The following CLCN3 variants were observed in gnomAD, a reference collection of about 807,000 sequenced individuals.
The protein encoded by CLCN3 is H(+)/Cl(-) exchange transporter 3.
A neutral mutation model predicts 83.4 loss-of-function variants in CLCN3; 16 were observed. The observed-to-expected ratio is 0.19, with a 90% CI of 0.13 to 0.29. CLCN3 has a LOEUF of 0.29. Among genes scored for constraint, CLCN3 ranks in the 10% least tolerant of loss-of-function variants. The pLI is 1.00. For missense variants in CLCN3, 544 were observed against 1,006.0 expected, an observed-to-expected ratio of 0.54 and a Z score of 6.21; for synonymous variants, 322 against 346.2, an observed-to-expected ratio of 0.93 and a Z score of 0.78.
intron 9 of CLCN3, among the ~76,000 whole-genome samples, chr4:169,699,741 G>T (rs965649153): frequency 6.6e-6 from 1 of 152,034 alleles, no homozygotes; most frequent in African/African-American, 2.4e-5. Flanking sequence ...AATTAGCCAG[G>T]CGTGGTGGCA....
intron 11 of CLCN3, among the ~76,000 whole-genome samples, chr4:169,710,887 G>T (rs1733187084): frequency 6.6e-6 from 1 of 151,864 alleles, no homozygotes; most frequent in African/African-American, 2.4e-5. Context: ...TAGAGATGAG[G>T]TCTTCTATGT....
chr4:169,711,262 C>G (rs1733203095), intron 11 of CLCN3, among the ~76,000 whole-genome samples: 1 of 152,186 alleles, frequency 6.6e-6, no homozygotes, highest in African/African-American at 2.4e-5. Context: ...TGTCAGACAC[C>G]ATTCAGTTGT....
chr4:169,636,099 C>T lies in CLCN3; in HGVS notation c.160+11C>T. 1 of 1,605,834 alleles carries T rather than the reference C, an allele frequency of 6.2e-7. No homozygotes were observed. Among genetic ancestry groups the T allele is most frequent in the Non-Finnish European group, 8.5e-7 (1 of 1,175,296 alleles). On this transcript the variant is annotated intron_variant, in intron 2 of 12. Coordinates refer to ENST00000513761, the MANE Select transcript of CLCN3 (RefSeq NM_001829.4). ...GTGACACTGCAGTTGGTAAGTTCAG[C>T]ATGACAGCCTAATGTTTGTATTCAT...
chr4:169,671,999 C>T (rs1046003085), intron 2 of CLCN3, among the ~76,000 whole-genome samples: 4 of 151,996 alleles, frequency 2.6e-5, no homozygotes, highest in Non-Finnish European at 5.9e-5. Context: ...ATCACGAGGT[C>T]AGGAGATTGA....
chr4:169,703,869 A>C (rs954531966), intron 9 of CLCN3, 129 bp from the exon 10 acceptor site: 1 of 853,916 alleles, frequency 1.2e-6, no homozygotes, highest in African/African-American at 1.7e-5. Flanking sequence ...TTTTATTTGT[A>C]CTAGGATTTT....
At chr4:169,683,128 A>G (rs1435756460) in intron 3 of CLCN3, among the ~76,000 whole-genome samples, 2 of 152,214 alleles carry the variant, frequency 1.3e-5, no homozygotes, top group African/African-American at 4.8e-5. Flanking sequence ...GGATTTAAGT[A>G]TATTTTAAAG....
At chr4:169,673,662 A>G (rs768022981) in intron 2 of CLCN3, among the ~76,000 whole-genome samples, 12 of 152,162 alleles carry the variant, frequency 7.9e-5, no homozygotes, top group Admixed American at 2.6e-4. Context: ...TGAAGTTTGC[A>G]AAATATTTCA....
chr4:169,704,107 T>C lies in CLCN3; in HGVS notation c.1673T>C (p.Phe558Ser). Residue 558 changes from phenylalanine to serine, a missense_variant, in exon 10 of 13, where the codon TTT becomes TCT. Coordinates refer to ENST00000513761, the MANE Select transcript of CLCN3 (RefSeq NM_001829.4). Reference protein sequence around the residue: ...LAYYHHDWFIFKEWCEVGADC... With the variant: ...LAYYHHDWFISKEWCEVGADC... ...TACTATCACCACGACTGGTTTATCT[T>C]TAAGGAGTGGTGTGAGGTCGGGGCT... The C allele has an allele frequency of 6.2e-7, 1 of 1,613,992 alleles. No individual in the cohort carries two copies. Among genetic ancestry groups the C allele is most frequent in the Non-Finnish European group, 8.5e-7 (1 of 1,179,968 alleles).
chr4:169,719,909 G>A lies in CLCN3; in HGVS notation c.2369G>A (p.Arg790His), dbSNP rs771142045. The A allele has an allele frequency of 3.1e-6, 5 of 1,604,368 alleles. No homozygotes were observed. The highest frequency in any genetic ancestry group is 3.4e-6 in the Non-Finnish European group (4 of 1,177,000). Reference protein sequence around the residue: ...LRQCLVTHNGRLLGIITKKDI... With the variant: ...LRQCLVTHNGHLLGIITKKDI... ...AGTCTTCTGTTTATTCCTTTCAGGC[G>A]CCTCCTTGGCATTATAACAAAAAAA... is the stretch of plus-strand genomic sequence containing the variant. Residue 790 changes from arginine to histidine, a missense_variant and splice_region_variant, in exon 13 of 13, where the codon CGC becomes CAC. Coordinates refer to ENST00000513761, the MANE Select transcript of CLCN3 (RefSeq NM_001829.4).
In CLCN3 at chr4:169,636,632, G is replaced by T. The variant is rs72694743; in HGVS notation, c.160+544G>T. 4.2e-3 allele frequency among the ~76,000 whole-genome samples: 644 copies of T among 151,800 alleles called. 7 individuals carry two copies. Among genetic ancestry groups the T allele is most frequent in the South Asian group, 0.037 (177 of 4,816 alleles). On this transcript the variant is annotated intron_variant, in intron 2 of 12. Transcript: ENST00000513761. ...ACGTTTCAAAATCATCTATATTGTC[G>T]TGTATAGCAATAGTTAACGTATTTT...
At chr4:169,660,560 T>G (rs1478723557) in intron 2 of CLCN3, 1 of 646,282 alleles carries the variant, frequency 1.5e-6, no homozygotes, top group Admixed American at 4.4e-5. Context: ...CAGTACGTTG[T>G]TTAGTTGCCC....
chr4:169,700,480 A>C (rs1428425682), intron 9 of CLCN3, among the ~76,000 whole-genome samples: 1 of 151,798 alleles, frequency 6.6e-6, no homozygotes, highest in Non-Finnish European at 1.5e-5. Context: ...CTGGTCTGGA[A>C]CTCCTGACCT....
intron 10 of CLCN3, among the ~76,000 whole-genome samples, chr4:169,706,288 GCCT>G (rs1732992239): frequency 6.6e-6 from 1 of 152,020 alleles, no homozygotes; most frequent in Non-Finnish European, 1.5e-5. Flanking sequence ...TCCTGCCTTG[GCCT>G]CCCAAAGTGA....
chr4:169,714,288 T>G (rs1733341775), intron 12 of CLCN3, among the ~76,000 whole-genome samples: 1 of 149,712 alleles, frequency 6.7e-6, no homozygotes, highest in Admixed American at 6.7e-5. Context: ...TTTTTGTTGT[T>G]TTTTTTTTTT....
intron 11 of CLCN3, among the ~76,000 whole-genome samples, chr4:169,710,056 A>T: frequency 6.6e-6 from 1 of 152,212 alleles, no homozygotes; most frequent in East Asian, 1.9e-4. Flanking sequence ...TCTAAAACAA[A>T]CAAACAAACA....
intron 2 of CLCN3, among the ~76,000 whole-genome samples, chr4:169,662,468 A>G (rs1330261138): frequency 6.6e-6 from 1 of 152,198 alleles, no homozygotes; most frequent in African/African-American, 2.4e-5. Context: ...ATGGGTCAAC[A>G]CAATGGAATT....
chr4:169,657,941 C>T (rs1188238844), intron 2 of CLCN3, among the ~76,000 whole-genome samples: 1 of 152,146 alleles, frequency 6.6e-6, no homozygotes, highest in Non-Finnish European at 1.5e-5. Context: ...CCACATCTTC[C>T]AGTCTACCTT....
intron 2 of CLCN3, among the ~76,000 whole-genome samples, chr4:169,646,515 C>T (rs530743282): frequency 5.3e-5 from 8 of 151,978 alleles, no homozygotes; most frequent in South Asian, 2.1e-4. Context: ...AGGCTGGTCT[C>T]GAATTCTTGA....
intron 2 of CLCN3, among the ~76,000 whole-genome samples, chr4:169,644,106 CT>C (rs768402939): frequency 2.6e-5 from 4 of 152,060 alleles, no homozygotes; most frequent in Non-Finnish European, 4.4e-5. Context: ...TCTGTTCGTT[CT>C]TTCTACTTTG....
Sources: allele counts gnomAD v4.1 joint callset (sites outside exome capture counted in the v4.1 genomes callset), GRCh38; gene constraint gnomAD v4.1.1; transcripts MANE v1.5; gene names NCBI Gene and HGNC (gene_info 2026-07-23, HGNC 2026-07-21).